The following ADGRL4 variants were observed in gnomAD, a reference collection of about 807,000 sequenced individuals.
ADGRL4 encodes EGF, latrophilin and seven transmembrane domain containing 1.
Under a neutral mutation model 74.8 loss-of-function variants are expected in ADGRL4, and 90 were observed. The ratio of observed to expected loss-of-function variants is 1.20; its 90% CI spans 1.02 to 1.43. The LOEUF (loss-of-function observed/expected upper bound fraction) is 1.43, where lower values mean the gene tolerates loss of function less well. ADGRL4 is among the 40% of genes most tolerant of loss of function. The pLI is 0.00. For missense variants in ADGRL4, 881 were observed against 814.3 expected (o/e 1.08, Z -1.00); for synonymous variants, 311 against 279.2 (o/e 1.11, Z -1.14).
chr1:78,927,942 G>A (rs12028201), intron 7 of ADGRL4, among the ~76,000 whole-genome samples: 13,975 of 147,398 alleles, frequency 0.095, 1,056 homozygotes, highest in East Asian at 0.33. Context: ...CTCAAGTGTC[G>A]TCTTACAAAA....
intron 8 of ADGRL4, among the ~76,000 whole-genome samples, chr1:78,926,617 T>C (rs1649119550): frequency 6.6e-6 from 1 of 152,028 alleles, no homozygotes; most frequent in African/African-American, 2.4e-5. Context: ...ATTTCCAAAA[T>C]AAACAGTGTA....
intron 12 of ADGRL4, among the ~76,000 whole-genome samples, chr1:78,912,051 A>C (rs1648773451): frequency 6.6e-6 from 1 of 151,818 alleles, no homozygotes; most frequent in South Asian, 2.1e-4. Flanking sequence ...AGGGCCACAA[A>C]GTTTTACAGT....
intron 7 of ADGRL4, among the ~76,000 whole-genome samples, chr1:78,930,223 A>AT (rs1311607044): frequency 1.3e-5 from 2 of 150,958 alleles, no homozygotes; most frequent in Non-Finnish European, 2.9e-5. Flanking sequence ...TATAGGTAAA[A>AT]ATATATTACC....
chr1:78,945,706 C>T (rs1442907549), intron 3 of ADGRL4, among the ~76,000 whole-genome samples: 1 of 152,028 alleles, frequency 6.6e-6, no homozygotes, highest in Non-Finnish European at 1.5e-5. Flanking sequence ...AAATTATTTT[C>T]CCTACAAAGG....
At chr1:78,964,470 G>A (rs539477097) in intron 2 of ADGRL4, among the ~76,000 whole-genome samples, 1 of 152,276 alleles carries the variant, frequency 6.6e-6, no homozygotes, top group South Asian at 2.1e-4. Context: ...GCAAAAGTAA[G>A]TGAAAATAGC....
intron 2 of ADGRL4, among the ~76,000 whole-genome samples, chr1:78,970,013 G>T (rs917613342): frequency 6.6e-6 from 1 of 152,104 alleles, no homozygotes; most frequent in Non-Finnish European, 1.5e-5. Flanking sequence ...AAAACCAAGG[G>T]AGCTAACCAT....
chr1:78,935,394 G>A (rs560730680), intron 7 of ADGRL4, among the ~76,000 whole-genome samples: 2 of 152,046 alleles, frequency 1.3e-5, no homozygotes, highest in South Asian at 4.2e-4. Context: ...CACACACCAG[G>A]GCCTGCTGGG....
At chr1:78,914,509 G>T (rs1648829430) in intron 12 of ADGRL4, among the ~76,000 whole-genome samples, 1 of 151,792 alleles carries the variant, frequency 6.6e-6, no homozygotes, top group Non-Finnish European at 1.5e-5. Flanking sequence ...CCCCAAAATG[G>T]CAAGTGGTGA....
At chr1:78,972,863 T>A (rs1172170582) in intron 2 of ADGRL4, among the ~76,000 whole-genome samples, 2 of 152,184 alleles carry the variant, frequency 1.3e-5, no homozygotes, top group African/African-American at 4.8e-5. Flanking sequence ...TTGCTGCATA[T>A]CCCAGTCTGC....
At chr1:78,989,564 T>C (rs1432278542) in intron 2 of ADGRL4, among the ~76,000 whole-genome samples, 3 of 151,800 alleles carry the variant, frequency 2.0e-5, no homozygotes, top group Admixed American at 1.3e-4. Flanking sequence ...GTTCTTCTTC[T>C]AGGTATGTCC....
intron 2 of ADGRL4, among the ~76,000 whole-genome samples, chr1:78,958,702 A>G (rs1649882485): frequency 6.6e-6 from 1 of 152,178 alleles, no homozygotes; most frequent in East Asian, 1.9e-4. Flanking sequence ...TGAAATGACA[A>G]AAAAGGATTT....
At chr1:78,896,888 A>G (rs1488606344) in intron 12 of ADGRL4, among the ~76,000 whole-genome samples, 1 of 151,874 alleles carries the variant, frequency 6.6e-6, no homozygotes, top group Non-Finnish European at 1.5e-5. Context: ...ACTTCACTCC[A>G]CTCACAGTGA....
intron 2 of ADGRL4, among the ~76,000 whole-genome samples, chr1:78,960,221 T>G (rs1649921468): frequency 6.6e-6 from 1 of 152,226 alleles, no homozygotes; most frequent in African/African-American, 2.4e-5. Context: ...AATCTGTTTA[T>G]ATAATGGTTT....
At chr1:78,906,764 A>T (rs976526209) in intron 12 of ADGRL4, among the ~76,000 whole-genome samples, 7 of 151,992 alleles carry the variant, frequency 4.6e-5, no homozygotes, top group Non-Finnish European at 5.9e-5. Context: ...TTTAATATAA[A>T]TTTATATAAG....
At chr1:78,996,231 C>T (rs892435993) in intron 2 of ADGRL4, among the ~76,000 whole-genome samples, 3 of 152,174 alleles carry the variant, frequency 2.0e-5, no homozygotes, top group African/African-American at 7.2e-5. Context: ...ATTCATCCTC[C>T]TGATAACAGT....
At chr1:78,932,479 C>A (rs574944893) in intron 7 of ADGRL4, among the ~76,000 whole-genome samples, 1 of 150,928 alleles carries the variant, frequency 6.6e-6, no homozygotes, top group Admixed American at 6.6e-5. Flanking sequence ...CTAGAAAAAT[C>A]TCAAATCAAT....
Position 78,969,309 on chromosome 1 carries a change from T to G in ADGRL4, c.173-22883A>C, listed in dbSNP as rs1650122959. 2.0e-5 allele frequency among the ~76,000 whole-genome samples: 3 copies of G among 152,216 alleles called. No individual in the cohort carries two copies. The South Asian group carries it at 6.2e-4, about 31-fold the overall frequency. ...CTCGTTGTTTTATCAAAGCTTTGAC[T>G]GGAAGGGTATGTTTCCTTTTAAGAG... On this transcript the variant is annotated intron_variant, in intron 2 of 14. Transcript: ENST00000370742.
intron 2 of ADGRL4, among the ~76,000 whole-genome samples, chr1:78,972,958 A>G (rs1031549998): frequency 2.6e-5 from 4 of 152,172 alleles, no homozygotes; most frequent in African/African-American, 9.7e-5. Flanking sequence ...AGCTATGAAC[A>G]TAGGACTGAT....
chr1:78,898,159 G>C, intron 12 of ADGRL4, among the ~76,000 whole-genome samples: 1 of 152,096 alleles, frequency 6.6e-6, no homozygotes, highest in East Asian at 1.9e-4. Context: ...ATAAAAATCA[G>C]TTTTCAGTTA....
Sources: allele counts gnomAD v4.1 joint callset (sites outside exome capture counted in the v4.1 genomes callset), GRCh38; gene constraint gnomAD v4.1.1; transcripts MANE v1.5; gene names NCBI Gene and HGNC (gene_info 2026-07-23, HGNC 2026-07-21).